S100A8: variants seen among roughly 807,000 people sequenced by gnomAD.
S100A8 encodes the protein protein S100-A8.
A neutral mutation model predicts 4.2 loss-of-function variants in S100A8; 1 was observed. That is an observed-to-expected ratio of 0.24 (90% CI 0.08 to 1.12). The LOEUF (loss-of-function observed/expected upper bound fraction) is 1.12. Ranked by LOEUF, S100A8 falls within the 50% of genes most tolerant of loss-of-function variation. S100A8 has a pLI of 0.53. For missense variants in S100A8, 96 were observed against 111.8 expected (o/e 0.86, Z 0.64); for synonymous variants, 41 against 44.7 (o/e 0.92, Z 0.33).
chr1:153,403,372 C>T, the S100A8 span, among the ~76,000 whole-genome samples: 1 of 152,178 alleles, frequency 6.6e-6, no homozygotes, highest in African/African-American at 2.4e-5. Flanking sequence ...GCTTGGCGGG[C>T]TTGTTGAAAA....
the S100A8 span, among the ~76,000 whole-genome samples, chr1:153,399,216 T>A: frequency 6.6e-6 from 1 of 152,156 alleles, no homozygotes; most frequent in Admixed American, 6.5e-5. Context: ...CCACCCATCC[T>A]CAATGCCTCC....
At chr1:153,418,711 G>A in the S100A8 span, among the ~76,000 whole-genome samples, 59 of 152,212 alleles carry the variant, frequency 3.9e-4, no homozygotes, top group East Asian at 1.9e-4. Flanking sequence ...CAAGAGTAGG[G>A]AACCCAGAAG....
chr1:153,419,550 T>A, the S100A8 span: 1 of 566,098 alleles, frequency 1.8e-6, no homozygotes. Flanking sequence ...ACACAGGTCC[T>A]GGTGTCTGCC....
At chr1:153,390,652 G>C in intron 1 of S100A8, 95 bp from the exon 2 acceptor site, 1 of 1,480,804 alleles carries the variant, frequency 6.8e-7, no homozygotes, top group Non-Finnish European at 9.2e-7. Flanking sequence ...CGATGGCCTT[G>C]TCCTGGCCTG....
the S100A8 span, chr1:153,419,285 G>T: frequency 1.9e-6 from 3 of 1,614,128 alleles, no homozygotes; most frequent in East Asian, 2.2e-5. Context: ...ATGGAGCGGC[G>T]CCCTGTTCTG....
At chr1:153,394,862 C>T (rs940971227), upstream of S100A8, among the ~76,000 whole-genome samples, 3 of 152,114 alleles carry the variant, frequency 2.0e-5, no homozygotes, top group Non-Finnish European at 4.4e-5. Context: ...CAGTCCTGTG[C>T]GCAGGTGGTA....
At chr1:153,399,260 G>A in the S100A8 span, among the ~76,000 whole-genome samples, 1 of 152,186 alleles carries the variant, frequency 6.6e-6, no homozygotes, top group African/African-American at 2.4e-5. Context: ...TGCTTCACAG[G>A]TCCTTCAGGA....
Position 153,390,380 on chromosome 1 carries a change from C to A in S100A8, c.141+15G>T, listed in dbSNP as rs375159557. The A allele has an allele frequency of 6.2e-7, 1 of 1,613,630 alleles. No individual in the cohort carries two copies. The highest frequency in any genetic ancestry group is 2.2e-5 in the East Asian group (1 of 44,864). On this transcript the variant is annotated intron_variant, in intron 2 of 2. Coordinates refer to ENST00000368733, the MANE Select transcript of S100A8 (RefSeq NM_002964.5). ...ACCAGGCAGAGAGCCCCCGCCACAC[C>A]CAGCCCCTCCTCACCCTGATATACT...
the S100A8 span, chr1:153,420,653 T>C: frequency 1.3e-5 from 2 of 152,308 alleles, no homozygotes; most frequent in Admixed American, 1.3e-4. Context: ...CTGCACCTCG[T>C]CAGCCTTCAG....
upstream of S100A8, among the ~76,000 whole-genome samples, chr1:153,392,072 A>G (rs530402443): frequency 8.0e-4 from 122 of 152,344 alleles, 1 homozygote; most frequent in African/African-American, 2.3e-3. Flanking sequence ...TGTTGTTACA[A>G]AGAAAATATT....
At chr1:153,410,287 A>G in the S100A8 span, among the ~76,000 whole-genome samples, 1 of 152,208 alleles carries the variant, frequency 6.6e-6, no homozygotes, top group Non-Finnish European at 1.5e-5. Context: ...ATAAAAAATG[A>G]CAAAGGGGAT....
chr1:153,409,721 A>T, the S100A8 span, among the ~76,000 whole-genome samples: 1 of 152,240 alleles, frequency 6.6e-6, no homozygotes, highest in Non-Finnish European at 1.5e-5. Context: ...ATTACCACAT[A>T]GTTGCAAGTA....
upstream of S100A8, among the ~76,000 whole-genome samples, chr1:153,392,665 C>G (rs1301805000): frequency 6.6e-6 from 1 of 152,194 alleles, no homozygotes; most frequent in Non-Finnish European, 1.5e-5. Flanking sequence ...TCCATTCCTA[C>G]CCTGCTGCCC....
At chr1:153,393,302 C>G (rs1662144446), upstream of S100A8, among the ~76,000 whole-genome samples, 1 of 152,190 alleles carries the variant, frequency 6.6e-6, no homozygotes, top group Admixed American at 6.5e-5. Context: ...AAATCCTTAC[C>G]CATCACAGCA....
chr1:153,418,319 T>G, the S100A8 span: 2 of 1,519,986 alleles, frequency 1.3e-6, no homozygotes, highest in Non-Finnish European at 1.8e-6. Flanking sequence ...CCTCATCCTC[T>G]GATTAAAAAG....
At chr1:153,399,282 C>G in the S100A8 span, among the ~76,000 whole-genome samples, 3 of 152,312 alleles carry the variant, frequency 2.0e-5, no homozygotes, top group Admixed American at 6.5e-5. Context: ...CAGGACTGAG[C>G]CTTAATTGCA....
upstream of S100A8, among the ~76,000 whole-genome samples, chr1:153,393,952 C>T (rs375926298): frequency 7.2e-5 from 11 of 152,196 alleles, no homozygotes; most frequent in African/African-American, 1.9e-4. Context: ...CCAGCAAGAT[C>T]GTGAAATGTC....
the S100A8 span, among the ~76,000 whole-genome samples, chr1:153,400,126 C>T: frequency 3.3e-5 from 5 of 152,174 alleles, no homozygotes; most frequent in Admixed American, 3.3e-4. Context: ...CACCTCACAA[C>T]CCCCACTACC....
chr1:153,404,530 G>C, the S100A8 span, among the ~76,000 whole-genome samples: 4 of 152,202 alleles, frequency 2.6e-5, no homozygotes, highest in Non-Finnish European at 4.4e-5. Flanking sequence ...TCAGACGCTC[G>C]GTGTCAGGAA....
Sources: allele counts gnomAD v4.1 joint callset (sites outside exome capture counted in the v4.1 genomes callset), GRCh38; gene constraint gnomAD v4.1.1; transcripts MANE v1.5; gene names NCBI Gene and HGNC (gene_info 2026-07-23, HGNC 2026-07-21).